Variants in CAMTA1 observed in about 807,000 individuals in gnomAD.
The protein encoded by CAMTA1 is calmodulin binding transcription activator 1, also known as calmodulin-binding transcription activator 1.
A neutral mutation model predicts 170.9 loss-of-function variants in CAMTA1; 27 were observed. That is an observed-to-expected ratio of 0.16 (90% CI 0.12 to 0.22). The LOEUF (loss-of-function observed/expected upper bound fraction) is 0.22, where lower values mean the gene tolerates loss of function less well. Among genes scored for constraint, CAMTA1 ranks in the 10% least tolerant of loss-of-function variants. CAMTA1 has a pLI of 1.00. For missense variants in CAMTA1, 1,619 were observed against 2,217.2 expected, an observed-to-expected ratio of 0.73 and a Z score of 5.42; for synonymous variants, 833 against 891.5, an observed-to-expected ratio of 0.93 and a Z score of 1.17.
intron 4 of CAMTA1, among the ~76,000 whole-genome samples, chr1:7,168,905 G>T (rs946673105): frequency 6.6e-6 from 1 of 152,184 alleles, no homozygotes; most frequent in African/African-American, 2.4e-5. Flanking sequence ...AATATTTGCT[G>T]TAGGGGTTTT....
At chr1:7,322,740 T>G (rs1324563844) in intron 5 of CAMTA1, among the ~76,000 whole-genome samples, 5 of 152,278 alleles carry the variant, frequency 3.3e-5, no homozygotes, top group Admixed American at 3.3e-4. Flanking sequence ...CATCTGTACT[T>G]ATGTGTCTGT....
chr1:7,101,805 G>A (rs1052810717), intron 4 of CAMTA1, among the ~76,000 whole-genome samples: 5 of 139,864 alleles, frequency 3.6e-5, no homozygotes, highest in African/African-American at 1.4e-4. Flanking sequence ...TGTGCACACA[G>A]CACAAACACA....
At chr1:7,006,407 A>G (rs1019356290) in intron 3 of CAMTA1, among the ~76,000 whole-genome samples, 2 of 152,218 alleles carry the variant, frequency 1.3e-5, no homozygotes, top group African/African-American at 2.4e-5. Context: ...TAGAAATTCT[A>G]TGGAATGGTG....
chr1:7,229,082 C>T (rs1196951400), intron 4 of CAMTA1, among the ~76,000 whole-genome samples: 2 of 151,566 alleles, frequency 1.3e-5, no homozygotes, highest in African/African-American at 2.4e-5. Flanking sequence ...AGGGCAGCCC[C>T]GCAGAGTCCA....
chr1:7,235,379 C>T (rs1361435594), intron 4 of CAMTA1, among the ~76,000 whole-genome samples: 1 of 152,146 alleles, frequency 6.6e-6, no homozygotes, highest in Non-Finnish European at 1.5e-5. Context: ...TAATCCAGCA[C>T]TTTGAGAGGC....
At chr1:7,027,157 G>A (rs1702133349) in intron 3 of CAMTA1, among the ~76,000 whole-genome samples, 1 of 152,050 alleles carries the variant, frequency 6.6e-6, no homozygotes, top group Admixed American at 6.6e-5. Context: ...AGTTGAAGAA[G>A]GGTCAGTGAT....
intron 5 of CAMTA1, among the ~76,000 whole-genome samples, chr1:7,371,195 G>A (rs1378974447): frequency 6.6e-6 from 1 of 151,920 alleles, no homozygotes; most frequent in Admixed American, 6.6e-5. Context: ...ACAGGCGTGA[G>A]CCACCGTGCC....
chr1:7,593,996 C>T (rs1013009044), intron 6 of CAMTA1, among the ~76,000 whole-genome samples: 6 of 145,360 alleles, frequency 4.1e-5, no homozygotes, highest in African/African-American at 1.0e-4. Context: ...GAGCCAAGAT[C>T]GTACCACTAC....
At chr1:7,692,082 G>C (rs564061197) in intron 11 of CAMTA1, among the ~76,000 whole-genome samples, 104 of 152,228 alleles carry the variant, frequency 6.8e-4, no homozygotes, top group Non-Finnish European at 1.3e-3. Flanking sequence ...CAGCCACCCG[G>C]ATATCCTCTC....
chr1:7,045,819 A>G, intron 3 of CAMTA1, among the ~76,000 whole-genome samples: 1 of 152,170 alleles, frequency 6.6e-6, no homozygotes, highest in East Asian at 1.9e-4. Flanking sequence ...TCCTTCCTCG[A>G]TACTAGTTCT....
chr1:7,390,435 C>G (rs548601683), intron 5 of CAMTA1, among the ~76,000 whole-genome samples: 1 of 152,186 alleles, frequency 6.6e-6, no homozygotes, highest in Non-Finnish European at 1.5e-5. Flanking sequence ...TGACATGTCC[C>G]CAAAGGAGCC....
At chr1:6,818,362 A>G (rs1646081047) in intron 1 of CAMTA1, among the ~76,000 whole-genome samples, 1 of 151,582 alleles carries the variant, frequency 6.6e-6, no homozygotes, top group African/African-American at 2.4e-5. Context: ...ACAAATAACA[A>G]CAAATAAATA....
At chr1:7,498,191 A>AGTGTTGGG (rs1553182529) in intron 6 of CAMTA1, among the ~76,000 whole-genome samples, 1 of 148,516 alleles carries the variant, frequency 6.7e-6, no homozygotes, top group African/African-American at 2.5e-5. Flanking sequence ...TATGAGAGTG[A>AGTGTTGGG]GTGTGTGTGT....
rs562127916 is a variant in CAMTA1 at position 7,664,428 on chromosome 1, C to T, written c.1881C>T (p.Val627=). 43 of 1,613,512 alleles carry T rather than the reference C, an allele frequency of 2.7e-5. No homozygotes were observed. The highest frequency in any genetic ancestry group is 1.2e-4 in the African/African-American group (9 of 75,050). ...AGGACGCCAGCAAACCCCTCCCCGT[C>T]GAGCAGAACACCCACAGCAGCCTGA... ...FLQDASKPLP[V]EQNTHSSLSD... is the part of the protein sequence containing the mutation. The change falls in exon 9 of 23, where the codon GTC becomes GTT. Residue 627 remains valine, a synonymous_variant. Transcript: ENST00000303635.
chr1:7,712,246 T>G (rs2096576319), intron 11 of CAMTA1, among the ~76,000 whole-genome samples: 1 of 152,226 alleles, frequency 6.6e-6, no homozygotes, highest in Admixed American at 6.5e-5. Flanking sequence ...AGTTCTCTAA[T>G]GTTTTAGAGT....
chr1:6,841,359 TG>T (rs1231739628), intron 3 of CAMTA1, among the ~76,000 whole-genome samples: 2 of 152,214 alleles, frequency 1.3e-5, no homozygotes, highest in Admixed American at 1.3e-4. Context: ...TGTATATCTT[TG>T]GGGTTCCTGT....
At chr1:6,972,853 TC>T (rs1692778513) in intron 3 of CAMTA1, among the ~76,000 whole-genome samples, 1 of 152,176 alleles carries the variant, frequency 6.6e-6, no homozygotes, top group Admixed American at 6.5e-5. Flanking sequence ...CTTTTCCTTT[TC>T]CCTTTCCCTT....
At chr1:7,345,773 C>T (rs2084176765) in intron 5 of CAMTA1, among the ~76,000 whole-genome samples, 2 of 152,218 alleles carry the variant, frequency 1.3e-5, no homozygotes, top group Non-Finnish European at 2.9e-5. Context: ...AGCAGGCTGA[C>T]TTTTTAAGAA....
intron 3 of CAMTA1, among the ~76,000 whole-genome samples, chr1:6,978,746 C>T (rs1481025278): frequency 6.6e-6 from 1 of 151,776 alleles, no homozygotes; most frequent in African/African-American, 2.4e-5. Flanking sequence ...GTAATAATGA[C>T]CGCATGTTTT....
Sources: gnomAD v4.1 joint callset for allele counts (sites outside exome capture counted in the v4.1 genomes callset) on GRCh38, gnomAD v4.1.1 for gene constraint, MANE v1.5 for transcripts, NCBI Gene and HGNC (gene_info 2026-07-23, HGNC 2026-07-21) for gene names.